Variants in COL25A1 observed in about 807,000 individuals in gnomAD.
COL25A1 encodes the protein collagen alpha-1(XXV) chain.
In COL25A1, 103 loss-of-function variants were observed where a neutral mutation model predicts 128.4. The observed-to-expected ratio is 0.80, with a 90% confidence interval of 0.68 to 0.94. The LOEUF is 0.94. Ranked by LOEUF, COL25A1 falls within the 40% of genes least tolerant of loss-of-function variation. The probability of loss-of-function intolerance (pLI) is 0.00; values close to 1 mark genes in which losing one functional copy is unlikely to be tolerated. For synonymous variants in COL25A1, 279 were observed against 277.2 expected, an observed-to-expected ratio of 1.01 and a Z score of -0.06; for missense variants, 745 against 840.0, an observed-to-expected ratio of 0.89 and a Z score of 1.40.
At chr4:108,884,139 A>G (rs1263331091) in intron 19 of COL25A1, 39 bp downstream of exon 19, 1 of 1,603,214 alleles carries the variant, frequency 6.2e-7, no homozygotes, top group East Asian at 2.2e-5. Context: ...TCTCATAATT[A>G]CAGTTCTGTG....
chr4:108,849,387 T>G (rs1735505858), intron 26 of COL25A1, among the ~76,000 whole-genome samples: 1 of 152,200 alleles, frequency 6.6e-6, no homozygotes, highest in Non-Finnish European at 1.5e-5. Context: ...GAAATAACTT[T>G]TAGATCAATT....
At position 109,147,816 on chromosome 4, in the gene COL25A1, CAA is replaced by C. The variant is rs34761348; in HGVS notation, c.368-97639_368-97638del. Among the ~76,000 whole-genome samples the C allele has an allele frequency of 1.3e-3, 127 of 100,426 alleles. 1 individual carries two copies. Among genetic ancestry groups the C allele is most frequent in the African/African-American group, 2.3e-3 (60 of 26,254 alleles). 65.9% of individuals were successfully genotyped at this position (100,426 alleles called of 152,430 possible). On this transcript the variant is annotated intron_variant, in intron 3 of 37. Coordinates refer to ENST00000399132, the MANE Select transcript of COL25A1 (RefSeq NM_198721.4). ...TGGATGACACAGAAAGACTCTGTCTCAAAAAAAAAAAAAAAAAAGTACTGGAG... is the reference window on the plus strand; with the variant it reads ...TGGATGACACAGAAAGACTCTGTCTCAAAAAAAAAAAAAAAAGTACTGGAG...
chr4:109,165,729 T>C (rs1773010503), intron 3 of COL25A1, among the ~76,000 whole-genome samples: 1 of 152,092 alleles, frequency 6.6e-6, no homozygotes, highest in Non-Finnish European at 1.5e-5. Context: ...AAGATAATAA[T>C]AATTAGTAGT....
Position 108,810,227 on chromosome 4 carries a change from T to C in COL25A1, c.*3700A>G, listed in dbSNP as rs1730685668. 6.6e-6 allele frequency: 1 copy of C among 151,816 alleles called. No individual in the cohort carries two copies. The highest frequency in any genetic ancestry group is 2.1e-4 in the South Asian group (1 of 4,830). 9.4% of individuals were successfully genotyped at this position (151,816 alleles called of 1,614,324 possible). ...ACCCTTGGAAATTAAGCACATTTCC[T>C]AAGTGAGAAAAATATAACATATCAA... is the stretch of plus-strand genomic sequence containing the variant. On this transcript the variant is annotated 3_prime_UTR_variant, in exon 38 of 38. Transcript: ENST00000399132.
intron 11 of COL25A1, among the ~76,000 whole-genome samples, chr4:108,921,538 G>A (rs1745494377): frequency 6.6e-6 from 1 of 152,078 alleles, no homozygotes; most frequent in South Asian, 2.1e-4. Context: ...CTAATGACCA[G>A]CCTATTTTCA....
intron 5 of COL25A1, among the ~76,000 whole-genome samples, chr4:109,012,513 C>A (rs956789292): frequency 6.6e-6 from 1 of 152,136 alleles, no homozygotes; most frequent in African/African-American, 2.4e-5. Flanking sequence ...GTGCAGCGCT[C>A]GTGGGCCAGC....
chr4:109,199,407 A>G (rs539606757), intron 3 of COL25A1, among the ~76,000 whole-genome samples: 192 of 152,196 alleles, frequency 1.3e-3, no homozygotes, highest in Non-Finnish European at 2.3e-3. Context: ...GGCCTTTGCA[A>G]GTGTTGGGAT....
At chr4:109,187,473 C>G (rs1448751028) in intron 3 of COL25A1, among the ~76,000 whole-genome samples, 1 of 152,148 alleles carries the variant, frequency 6.6e-6, no homozygotes, top group African/African-American at 2.4e-5. Flanking sequence ...CTTCAGTTTC[C>G]TCATTTGTAA....
chr4:109,186,849 T>C (rs1056451581), intron 3 of COL25A1, among the ~76,000 whole-genome samples: 8 of 152,232 alleles, frequency 5.3e-5, no homozygotes, highest in Non-Finnish European at 1.2e-4. Flanking sequence ...AGGTCATGCA[T>C]TCGACATCAG....
intron 3 of COL25A1, among the ~76,000 whole-genome samples, chr4:109,286,950 A>C (rs1723951358): frequency 6.6e-6 from 1 of 152,196 alleles, no homozygotes; most frequent in Non-Finnish European, 1.5e-5. Context: ...GGAGGAGTTA[A>C]AAATGTGACA....
intron 5 of COL25A1, among the ~76,000 whole-genome samples, chr4:109,039,578 C>G (rs1179549654): frequency 6.6e-6 from 1 of 152,166 alleles, no homozygotes; most frequent in Non-Finnish European, 1.5e-5. Flanking sequence ...CTCTACTGTC[C>G]TCCCACTGCA....
chr4:109,166,620 C>A (rs1478972937), intron 3 of COL25A1, among the ~76,000 whole-genome samples: 1 of 152,174 alleles, frequency 6.6e-6, no homozygotes, highest in Admixed American at 6.5e-5. Context: ...ATGGGATTTG[C>A]ACTCCACTGA....
intron 18 of COL25A1, among the ~76,000 whole-genome samples, chr4:108,888,214 GT>G (rs772916122): frequency 5.3e-5 from 8 of 152,024 alleles, no homozygotes; most frequent in Non-Finnish European, 1.2e-4. Context: ...CATCCTAAGT[GT>G]TTAAAATGAA....
intron 3 of COL25A1, among the ~76,000 whole-genome samples, chr4:109,256,372 C>T (rs1259459053): frequency 6.6e-6 from 1 of 152,036 alleles, no homozygotes; most frequent in East Asian, 1.9e-4. Flanking sequence ...CTTCTCAAAC[C>T]AGGTACATGT....
chr4:109,114,782 C>T (rs1288988191), intron 3 of COL25A1, among the ~76,000 whole-genome samples: 1 of 152,026 alleles, frequency 6.6e-6, no homozygotes, highest in Non-Finnish European at 1.5e-5. Context: ...CTAAAAATGG[C>T]AATGTGGATG....
chr4:108,997,057 A>G (rs1056811366), intron 6 of COL25A1, among the ~76,000 whole-genome samples: 3 of 152,188 alleles, frequency 2.0e-5, no homozygotes, highest in African/African-American at 7.2e-5. Context: ...TAACATCACA[A>G]TTAAAAGAAC....
chr4:108,852,434 T>C (rs546832650), intron 25 of COL25A1, among the ~76,000 whole-genome samples, 154 bp from the exon 26 acceptor site: 1 of 152,238 alleles, frequency 6.6e-6, no homozygotes, highest in East Asian at 1.9e-4. Context: ...ACTAGTTACA[T>C]AATTAGAAAA....
chr4:109,269,987 G>C (rs951984645), intron 3 of COL25A1, among the ~76,000 whole-genome samples: 4 of 152,090 alleles, frequency 2.6e-5, no homozygotes, highest in Non-Finnish European at 4.4e-5. Context: ...TATCTCAATA[G>C]ATGCAGAAAA....
intron 3 of COL25A1, among the ~76,000 whole-genome samples, chr4:109,160,348 A>G (rs1772443856): frequency 6.6e-6 from 1 of 152,226 alleles, no homozygotes; most frequent in African/African-American, 2.4e-5. Flanking sequence ...TGTCTGAATT[A>G]GCAAAATGAA....
Sources: gnomAD v4.1 joint callset for allele counts (sites outside exome capture counted in the v4.1 genomes callset) on GRCh38, gnomAD v4.1.1 for gene constraint, MANE v1.5 for transcripts, NCBI Gene and HGNC (gene_info 2026-07-23, HGNC 2026-07-21) for gene names.